Variants in GTSF1 observed in about 807,000 individuals in gnomAD.
GTSF1 encodes the protein gametocyte specific factor 1, also known as gametocyte-specific factor 1.
A neutral mutation model predicts 28.9 loss-of-function variants in GTSF1; 11 were observed. The observed-to-expected ratio is 0.38, with a 90% CI of 0.24 to 0.63. The LOEUF (loss-of-function observed/expected upper bound fraction) is 0.63. GTSF1 is among the 30% of genes least tolerant of loss of function. The pLI, the probability that GTSF1 is intolerant of heterozygous loss-of-function variation, is 0.56. For missense variants in GTSF1, 146 were observed against 201.0 expected (o/e 0.73, Z 1.66); for synonymous variants, 69 against 65.6 (o/e 1.05, Z -0.25).
At chr12:54,468,145 T>G (rs1956547259) in intron 2 of GTSF1, among the ~76,000 whole-genome samples, 1 of 152,182 alleles carries the variant, frequency 6.6e-6, no homozygotes, top group African/African-American at 2.4e-5. Flanking sequence ...TTTTCTTTTT[T>G]GAGACAGGGT....
intron 2 of GTSF1, among the ~76,000 whole-genome samples, chr12:54,469,441 CT>C (rs113483527): frequency 1 from 151,762 of 151,762 alleles, 75,881 homozygotes; most frequent in Non-Finnish European, 1. Flanking sequence ...AATCCCAGCA[CT>C]TTTGAGAGGC....
At position 54,462,221 on chromosome 12, in the gene GTSF1, C is replaced by A. The variant is rs1367894055; in HGVS notation, c.329-49G>T. On this transcript the variant is annotated intron_variant, in intron 5 of 8. Transcript: ENST00000305879. The stretch of plus-strand genomic sequence containing the variant: ...TTTGTGGTACTACTAGATAAGACAC[C>A]AGCAGTTCATGTTGGTTGAATTTAT... 4 of 1,307,526 alleles carry A rather than the reference C, an allele frequency of 3.1e-6. No homozygotes were observed. In the Admixed American group the frequency reaches 5.2e-5, roughly 17 times the overall value. 81.0% of individuals were successfully genotyped at this position (1,307,526 alleles called of 1,614,324 possible). A position where few individuals can be genotyped will look rare whatever the true frequency, so the allele number is the denominator to read the frequency against.
intron 2 of GTSF1, among the ~76,000 whole-genome samples, chr12:54,465,905 T>C (rs907322203): frequency 6.6e-6 from 1 of 152,194 alleles, no homozygotes; most frequent in Non-Finnish European, 1.5e-5. Context: ...ACCAATACTG[T>C]TATCAGACAG....
At chr12:54,459,369 G>A in intron 7 of GTSF1, 2 of 1,417,532 alleles carry the variant, frequency 1.4e-6, no homozygotes, top group Middle Eastern at 1.9e-4. Context: ...CAAGTATCCA[G>A]GGAGAAACGT....
intron 2 of GTSF1, among the ~76,000 whole-genome samples, chr12:54,468,295 A>AT (rs1956549434): frequency 2.0e-5 from 3 of 151,118 alleles, no homozygotes; most frequent in African/African-American, 7.3e-5. Context: ...AATTTTTTGT[A>AT]TTTTTAGTAG....
intron 3 of GTSF1, among the ~76,000 whole-genome samples, chr12:54,463,775 G>A (rs1180727853): frequency 6.6e-6 from 1 of 152,190 alleles, no homozygotes; most frequent in African/African-American, 2.4e-5. Flanking sequence ...GCTGTTGGAA[G>A]GGAGCCACAG....
intron 2 of GTSF1, chr12:54,466,847 A>G (rs1055315951): frequency 1.6e-5 from 1 of 62,696 alleles, no homozygotes; most frequent in Non-Finnish European, 3.1e-5. Flanking sequence ...ACAGAGTCTT[A>G]TTCTGTTGCC....
intron 3 of GTSF1, 162 bp downstream of exon 3, chr12:54,464,905 G>A: frequency 4.2e-6 from 2 of 470,938 alleles, no homozygotes; most frequent in South Asian, 6.1e-5. Flanking sequence ...TTATCCTAAG[G>A]AATGAACAAA....
chr12:54,463,546 G>A (rs1278937038), intron 3 of GTSF1, among the ~76,000 whole-genome samples: 1 of 152,128 alleles, frequency 6.6e-6, no homozygotes, highest in Non-Finnish European at 1.5e-5. Context: ...CACAGATATT[G>A]TTAGCTAAAC....
At position 54,459,466 on chromosome 12, in the gene GTSF1, T is replaced by C. The variant is rs1034686287; in HGVS notation, c.488-341A>G. 1.1e-5 allele frequency: 15 copies of C among 1,314,074 alleles called. No homozygotes were observed. In the Admixed American group the frequency reaches 1.2e-4, roughly 10 times the overall value. 81.4% of individuals were successfully genotyped at this position (1,314,074 alleles called of 1,614,324 possible). On this transcript the variant is annotated intron_variant, in intron 7 of 8. Coordinates refer to ENST00000305879, the MANE Select transcript of GTSF1 (RefSeq NM_144594.3). ...AGAGAATCTGAATCTAGGGGCAACATTGGAAAAGAAAGTTTGTATTAAGTA... is the reference window on the plus strand; with the variant it reads ...AGAGAATCTGAATCTAGGGGCAACACTGGAAAAGAAAGTTTGTATTAAGTA...
chr12:54,470,180 G>C (rs1360860076), intron 2 of GTSF1, among the ~76,000 whole-genome samples: 2 of 152,112 alleles, frequency 1.3e-5, no homozygotes, highest in Non-Finnish European at 2.9e-5. Flanking sequence ...TGTCTCAAAA[G>C]AAAGAAAACA....
rs754607273 is a variant in GTSF1 at position 54,459,145 on chromosome 12, AAAAT to A, written c.488-24_488-21del. The A allele has an allele frequency of 6.3e-6, 10 of 1,598,744 alleles. No homozygotes were observed. The Middle Eastern group carries it at 6.7e-4, about 107-fold the overall frequency. ...TTCCATCTACAAGTAGAAATATTTC[AAAAT>A]AAATACACCATGTCAATTGAAATTC... On this transcript the variant is annotated intron_variant, in intron 7 of 8. Coordinates refer to ENST00000305879, the MANE Select transcript of GTSF1 (RefSeq NM_144594.3).
intron 2 of GTSF1, chr12:54,468,906 C>T (rs535333448): frequency 2.0e-5 from 3 of 152,152 alleles, no homozygotes; most frequent in South Asian, 4.1e-4. Context: ...CTGAGATTGT[C>T]CATTTCCAAC....
At chr12:54,469,868 C>T (rs559574830) in intron 2 of GTSF1, among the ~76,000 whole-genome samples, 2 of 151,676 alleles carry the variant, frequency 1.3e-5, no homozygotes, top group South Asian at 2.1e-4. Context: ...AATTTCACAT[C>T]TTAAGTAAAA....
chr12:54,473,032 C>T (rs1956609734), intron 1 of GTSF1, among the ~76,000 whole-genome samples: 1 of 152,098 alleles, frequency 6.6e-6, no homozygotes, highest in African/African-American at 2.4e-5. Context: ...AATTACAGTA[C>T]ACTAGGGGCA....
intron 8 of GTSF1, among the ~76,000 whole-genome samples, chr12:54,457,272 G>A (rs1160159077): frequency 1.3e-5 from 2 of 152,188 alleles, no homozygotes; most frequent in Non-Finnish European, 2.9e-5. Context: ...CCAAAGGAGA[G>A]AAGGGTCTGG....
At position 54,459,961 on chromosome 12, in the gene GTSF1, C is replaced by T. The variant is rs1038333982; in HGVS notation, c.487+416G>A. Among the ~76,000 whole-genome samples the T allele has an allele frequency of 2.9e-4, 36 of 122,098 alleles. 2 individuals are homozygous for T. Among genetic ancestry groups the T allele is most frequent in the Non-Finnish European group, 5.8e-4 (33 of 56,528 alleles). 80.1% of individuals were successfully genotyped at this position (122,098 alleles called of 152,430 possible). A position where few individuals can be genotyped will look rare whatever the true frequency, so the allele number is the denominator to read the frequency against. On this transcript the variant is annotated intron_variant, in intron 7 of 8. Transcript: ENST00000305879. ...CGGGATGGTCTCGATCTCCTGACCT[C>T]GTGATCCGCCCGCCTCGGCCTCCCA...
At chr12:54,459,454 C>A (rs549434397) in intron 7 of GTSF1, 44 of 1,327,730 alleles carry the variant, frequency 3.3e-5, no homozygotes, top group Non-Finnish European at 4.3e-5. Flanking sequence ...GAATCTGAAT[C>A]TAGGGGCAAC....
intron 2 of GTSF1, among the ~76,000 whole-genome samples, chr12:54,470,065 CTCAGGAGGCTGAGGCAGAAG>C (rs1347584472): frequency 6.6e-6 from 1 of 152,144 alleles, no homozygotes; most frequent in Non-Finnish European, 1.5e-5. Flanking sequence ...ACCCCAGCTA[CTCAGGAGGCTGAGGCAGAAG>C]AATTGCTTGA....
Sources: allele counts gnomAD v4.1 joint callset (sites outside exome capture counted in the v4.1 genomes callset), GRCh38; gene constraint gnomAD v4.1.1; transcripts MANE v1.5; gene names NCBI Gene and HGNC (gene_info 2026-07-23, HGNC 2026-07-21).